Variants in YEATS4 observed in about 807,000 individuals in gnomAD.
YEATS4 encodes YEATS domain-containing protein 4.
In YEATS4, 17 loss-of-function variants were observed where a neutral mutation model predicts 30.1. The ratio of observed to expected loss-of-function variants is 0.56; its 90% CI spans 0.39 to 0.85. The LOEUF (loss-of-function observed/expected upper bound fraction) is 0.85. YEATS4 is among the 40% of genes least tolerant of loss of function. YEATS4 has a pLI of 0.00. For synonymous variants in YEATS4, 85 were observed against 87.5 expected, an observed-to-expected ratio of 0.97 and a Z score of 0.16; for missense variants, 142 against 268.3, an observed-to-expected ratio of 0.53 and a Z score of 3.29.
chr12:69,399,035 T>C, the YEATS4 span, among the ~76,000 whole-genome samples: 1 of 151,652 alleles, frequency 6.6e-6, no homozygotes, highest in South Asian at 2.1e-4. Context: ...TAGTCCCAGG[T>C]ACTCAGGATG....
At chr12:69,376,377 A>T (rs912052431) in intron 6 of YEATS4, among the ~76,000 whole-genome samples, 1 of 152,240 alleles carries the variant, frequency 6.6e-6, no homozygotes, top group African/African-American at 2.4e-5. Flanking sequence ...GAATAAATAA[A>T]TAAATAAATA....
intron 6 of YEATS4, among the ~76,000 whole-genome samples, chr12:69,374,707 G>A: frequency 6.6e-6 from 1 of 151,282 alleles, no homozygotes; most frequent in Non-Finnish European, 1.5e-5. Context: ...GTAAGGTTAT[G>A]GATTAACAGC....
At chr12:69,424,035 C>T in the YEATS4 span, among the ~76,000 whole-genome samples, 1 of 152,118 alleles carries the variant, frequency 6.6e-6, no homozygotes, top group Non-Finnish European at 1.5e-5. Flanking sequence ...TTTGGAGCTG[C>T]AGCGATCATT....
At chr12:69,382,065 C>G (rs1042036243) in intron 6 of YEATS4, among the ~76,000 whole-genome samples, 1 of 148,920 alleles carries the variant, frequency 6.7e-6, no homozygotes, top group Non-Finnish European at 1.5e-5. Context: ...TAGTTATGTC[C>G]AATGATAAAT....
intron 6 of YEATS4, among the ~76,000 whole-genome samples, chr12:69,372,442 A>AT (rs903295856): frequency 2.6e-5 from 4 of 150,988 alleles, no homozygotes; most frequent in South Asian, 2.1e-4. Context: ...CATTCTTTCT[A>AT]TTTTTTGTAC....
chr12:69,374,564 G>T (rs117426963), intron 6 of YEATS4, among the ~76,000 whole-genome samples: 1 of 151,954 alleles, frequency 6.6e-6, no homozygotes, highest in African/African-American at 2.4e-5. Flanking sequence ...CTGCCTTCCC[G>T]CAGTGTTTGT....
rs533225716 is a variant in YEATS4, at chr12:69,362,013, G to GTTTTTTTTTTTTTTTTTTT, written c.52-772_52-754dup. 7.5e-4 allele frequency among the ~76,000 whole-genome samples: 52 copies of GTTTTTTTTTTTTTTTTTTT among 69,046 alleles called. 3 individuals are homozygous for GTTTTTTTTTTTTTTTTTTT. Among genetic ancestry groups the GTTTTTTTTTTTTTTTTTTT allele is most frequent in the African/African-American group, 2.4e-3 (49 of 20,102 alleles). 45.3% of individuals were successfully genotyped at this position (69,046 alleles called of 152,430 possible). ...TTTTTAAATTGTAGGGTGTTTGGTT[G>GTTTTTTTTTTTTTTTTTTT]TTTTTTTTTTTTTTTTTTTTTGGAG... On this transcript the variant is annotated intron_variant, in intron 1 of 6. Coordinates refer to ENST00000247843, the MANE Select transcript of YEATS4 (RefSeq NM_006530.4).
At chr12:69,402,904 G>A in the YEATS4 span, among the ~76,000 whole-genome samples, 4 of 151,210 alleles carry the variant, frequency 2.6e-5, no homozygotes, top group Non-Finnish European at 4.4e-5. Context: ...TGTATTTTTA[G>A]TAGAGACAGG....
intron 6 of YEATS4, among the ~76,000 whole-genome samples, chr12:69,380,034 A>G (rs1391915433): frequency 6.6e-6 from 1 of 152,138 alleles, no homozygotes; most frequent in African/African-American, 2.4e-5. Flanking sequence ...TTTCCTCAAA[A>G]CAGCTATTTT....
chr12:69,386,187 A>T (rs1368298719), intron 6 of YEATS4, among the ~76,000 whole-genome samples: 1 of 152,226 alleles, frequency 6.6e-6, no homozygotes, highest in Non-Finnish European at 1.5e-5. Context: ...CTCATTGCTA[A>T]TTAACTCATG....
Position 69,359,847 on chromosome 12 carries a change from G to T in YEATS4, c.-126G>T. ...TCACCGCCGTGAGCCCAAGTAACTC[G>T]CCCTCCTTCGGCTAGAAACCCTCCG... On this transcript the variant is annotated 5_prime_UTR_variant, in exon 1 of 7. Coordinates refer to ENST00000247843, the MANE Select transcript of YEATS4 (RefSeq NM_006530.4). 1.7e-6 allele frequency: 2 copies of T among 1,156,842 alleles called. No individual in the cohort carries two copies. The highest frequency in any genetic ancestry group is 2.4e-6 in the Non-Finnish European group (2 of 819,466). The allele number at this position is 1,156,842 out of a possible 1,614,324, so 71.7% of individuals were successfully genotyped here.
chr12:69,367,474 C>T (rs970341232), intron 4 of YEATS4, among the ~76,000 whole-genome samples: 1 of 152,076 alleles, frequency 6.6e-6, no homozygotes, highest in Non-Finnish European at 1.5e-5. Context: ...CTCAAACAGT[C>T]CTCTGCCTCA....
the YEATS4 span, among the ~76,000 whole-genome samples, chr12:69,411,300 T>C: frequency 6.6e-6 from 1 of 152,112 alleles, no homozygotes; most frequent in South Asian, 2.1e-4. Context: ...TGGCTAATTT[T>C]TGTAGTATTT....
At chr12:69,404,375 G>T in the YEATS4 span, among the ~76,000 whole-genome samples, 1 of 152,176 alleles carries the variant, frequency 6.6e-6, no homozygotes, top group African/African-American at 2.4e-5. Flanking sequence ...GACAGTGTTG[G>T]GTGAGACCTT....
chr12:69,387,785 C>T (rs1868269354), intron 6 of YEATS4, among the ~76,000 whole-genome samples: 1 of 152,208 alleles, frequency 6.6e-6, no homozygotes, highest in African/African-American at 2.4e-5. Flanking sequence ...GAGAACACAA[C>T]AGTGATTATC....
intron 6 of YEATS4, among the ~76,000 whole-genome samples, chr12:69,374,997 G>A (rs576774535): frequency 1.1e-4 from 9 of 78,638 alleles, no homozygotes; most frequent in African/African-American, 3.7e-4. Context: ...GGCGGCGGCC[G>A]GGCGGGGGCT....
chr12:69,362,405 A>G (rs1212222440), intron 1 of YEATS4, among the ~76,000 whole-genome samples: 1 of 152,196 alleles, frequency 6.6e-6, no homozygotes, highest in Non-Finnish European at 1.5e-5. Flanking sequence ...TTTATACTAT[A>G]CTTTGGGAAA....
intron 6 of YEATS4, among the ~76,000 whole-genome samples, chr12:69,375,299 CAGAT>C (rs1376653732): frequency 6.7e-6 from 1 of 149,688 alleles, no homozygotes; most frequent in East Asian, 2.0e-4. Context: ...CTTCACATCT[CAGAT>C]GGGGCGGCGG....
downstream of YEATS4, among the ~76,000 whole-genome samples, chr12:69,391,293 CA>C (rs1195261907): frequency 0.041 from 4,409 of 108,272 alleles, 72 homozygotes; most frequent in Middle Eastern, 0.088. Flanking sequence ...GACTTCATCT[CA>C]AAAAAAAAAA....
Sources: gnomAD v4.1 joint callset for allele counts (sites outside exome capture counted in the v4.1 genomes callset) on GRCh38, gnomAD v4.1.1 for gene constraint, MANE v1.5 for transcripts, NCBI Gene and HGNC (gene_info 2026-07-23, HGNC 2026-07-21) for gene names.